TRPC4: variants seen among roughly 807,000 people sequenced by gnomAD.
TRPC4 encodes the protein short transient receptor potential channel 4.
A neutral mutation model predicts 99.4 loss-of-function variants in TRPC4; 49 were observed. The observed-to-expected ratio is 0.49, with a 90% CI of 0.39 to 0.63. The LOEUF (loss-of-function observed/expected upper bound fraction) is 0.63. Ranked by LOEUF, TRPC4 falls within the 20% of genes least tolerant of loss-of-function variation. The probability of loss-of-function intolerance (pLI) is 0.00; values close to 1 mark genes in which losing one functional copy is unlikely to be tolerated. For synonymous variants in TRPC4, 454 were observed against 425.9 expected (o/e 1.07, Z -0.81); for missense variants, 898 against 1,152.9 (o/e 0.78, Z 3.20).
At chr13:37,775,922 C>T (rs1022741656) in intron 2 of TRPC4, among the ~76,000 whole-genome samples, 15 of 151,536 alleles carry the variant, frequency 9.9e-5, no homozygotes, top group African/African-American at 3.1e-4. Context: ...TGTTTCAAAG[C>T]GATTATTTAC....
At chr13:37,653,611 G>A (rs7997809) in intron 7 of TRPC4, among the ~76,000 whole-genome samples, 58,813 of 151,878 alleles carry the variant, frequency 0.39, 12,148 homozygotes, top group East Asian at 0.73. Flanking sequence ...GTTCTCCATA[G>A]TCTTAGGGTT....
At chr13:37,699,245 A>G (rs1954021616) in intron 3 of TRPC4, among the ~76,000 whole-genome samples, 1 of 152,214 alleles carries the variant, frequency 6.6e-6, no homozygotes, top group African/African-American at 2.4e-5. Flanking sequence ...TGTTCAATAA[A>G]TATTAGGTAT....
At chr13:37,786,067 T>C (rs966015576) in intron 1 of TRPC4, among the ~76,000 whole-genome samples, 1 of 152,026 alleles carries the variant, frequency 6.6e-6, no homozygotes, top group Non-Finnish European at 1.5e-5. Context: ...AATCAACACT[T>C]ACCAAGGAAT....
rs1366857829 is a variant in TRPC4, at chr13:37,663,491, T to G, written c.1613A>C (p.Tyr538Ser). 1 of 1,614,194 alleles carries G rather than the reference T, an allele frequency of 6.2e-7. No individual in the cohort carries two copies. Among genetic ancestry groups the G allele is most frequent in the Non-Finnish European group, 8.5e-7 (1 of 1,180,024 alleles). The change falls in exon 6 of 11, where the codon TAC becomes TCC. Residue 538 changes from tyrosine to serine, a missense_variant. Physicochemically the swap from Tyr to Ser is moderately radical, Grantham distance 144. This residue lies in a region of TRPC4 where 274 missense variants were observed against 454.9 expected (regional missense o/e 0.60). Coordinates refer to ENST00000379705, the MANE Select transcript of TRPC4 (RefSeq NM_016179.4). ...CCCTTTCGTTTCTTCATAATAGAAG[T>G]ACAATTGATTTAGGCCATTTGCAAA... is the stretch of plus-strand genomic sequence containing the variant. ...LAFANGLNQL[Y>S]FYYEETKGLT...
At chr13:37,826,275 T>C (rs1958204722) in intron 1 of TRPC4, among the ~76,000 whole-genome samples, 1 of 88,610 alleles carries the variant, frequency 1.1e-5, no homozygotes, top group African/African-American at 4.7e-5. Flanking sequence ...CCATTTACAT[T>C]TAAAGTTAAT....
intron 4 of TRPC4, among the ~76,000 whole-genome samples, chr13:37,687,472 A>G (rs1392864484): frequency 6.6e-6 from 1 of 152,198 alleles, no homozygotes; most frequent in East Asian, 1.9e-4. Context: ...CCTGACAACC[A>G]GCATTCAAAA....
chr13:37,674,093 A>T lies in TRPC4; in HGVS notation c.1374+135T>A, dbSNP rs1000218022. 3.8e-6 allele frequency: 3 copies of T among 796,640 alleles called. No individual in the cohort carries two copies. The African/African-American group carries it at 5.4e-5, about 14-fold the overall frequency. The allele number at this position is 796,640 out of a possible 1,614,324, so 49.3% of individuals were successfully genotyped here. A position where few individuals can be genotyped will look rare whatever the true frequency, so the allele number is the denominator to read the frequency against. The stretch of plus-strand genomic sequence containing the variant: ...GTATTTTTATCCCTATATATCTATC[A>T]ATAAAACCATGAGCTGATGAATACG... On this transcript the variant is annotated intron_variant, in intron 5 of 10. Transcript: ENST00000379705.
intron 1 of TRPC4, among the ~76,000 whole-genome samples, chr13:37,792,448 T>C (rs1957144699): frequency 1.3e-5 from 2 of 152,136 alleles, no homozygotes; most frequent in South Asian, 2.1e-4. Flanking sequence ...ATAAATGTTA[T>C]TACTACATCA....
intron 1 of TRPC4, among the ~76,000 whole-genome samples, chr13:37,792,975 G>C (rs541125917): frequency 6.6e-6 from 1 of 151,968 alleles, no homozygotes; most frequent in Non-Finnish European, 1.5e-5. Flanking sequence ...GTCTGTGTGA[G>C]GGAAAAAGCC....
chr13:37,786,909 TGAG>T (rs1462011857), intron 1 of TRPC4, among the ~76,000 whole-genome samples: 1 of 152,010 alleles, frequency 6.6e-6, no homozygotes, highest in African/African-American at 2.4e-5. Context: ...CTAAATGTGT[TGAG>T]GATTAAAAAG....
intron 1 of TRPC4, among the ~76,000 whole-genome samples, chr13:37,791,818 G>T (rs1261768830): frequency 1.3e-5 from 2 of 152,098 alleles, no homozygotes; most frequent in African/African-American, 4.8e-5. Context: ...ATGTGAAAAG[G>T]TGCAGAAAAA....
chr13:37,661,211 T>C (rs890492241), intron 6 of TRPC4, among the ~76,000 whole-genome samples: 1 of 152,230 alleles, frequency 6.6e-6, no homozygotes, highest in Non-Finnish European at 1.5e-5. Context: ...AATAATCCAG[T>C]ATATTTGATT....
At chr13:37,732,316 C>G (rs190384544) in intron 3 of TRPC4, among the ~76,000 whole-genome samples, 1 of 152,112 alleles carries the variant, frequency 6.6e-6, no homozygotes, top group African/African-American at 2.4e-5. Flanking sequence ...AGAGTAGGAT[C>G]TAGTCAGAGG....
At chr13:37,864,932 G>A (rs1317247980) in intron 1 of TRPC4, among the ~76,000 whole-genome samples, 2 of 151,778 alleles carry the variant, frequency 1.3e-5, no homozygotes, top group Admixed American at 6.6e-5. Context: ...GCTTACGCAT[G>A]TGCCATTCAT....
intron 1 of TRPC4, among the ~76,000 whole-genome samples, chr13:37,817,707 G>C (rs574711327): frequency 2.7e-4 from 41 of 151,646 alleles, no homozygotes; most frequent in African/African-American, 9.7e-4. Context: ...CAATGGAACA[G>C]AATAAAGAAC....
intron 1 of TRPC4, among the ~76,000 whole-genome samples, chr13:37,833,576 C>G (rs1958481407): frequency 6.6e-6 from 1 of 152,200 alleles, no homozygotes; most frequent in Admixed American, 6.5e-5. Context: ...TGGTTCTTTA[C>G]TTAGCCTTGC....
intron 4 of TRPC4, 23 bp downstream of exon 4, chr13:37,691,976 A>G: frequency 3.2e-6 from 5 of 1,579,476 alleles, no homozygotes; most frequent in Non-Finnish European, 4.3e-6. Flanking sequence ...TTTTTATTAT[A>G]TTTTCTATAG....
chr13:37,822,770 C>T lies in TRPC4; in HGVS notation c.-27-39410G>A, dbSNP rs1006946911. On this transcript the variant is annotated intron_variant, in intron 1 of 10. Coordinates refer to ENST00000379705, the MANE Select transcript of TRPC4 (RefSeq NM_016179.4). ...CTTTATAGCAGCATGATTTATAGTA[C>T]TTTGGGTATATACCCAGTAATGGGA... 3.3e-5 allele frequency among the ~76,000 whole-genome samples: 5 copies of T among 152,074 alleles called. No individual in the cohort carries two copies. The East Asian group carries it at 9.7e-4, about 29-fold the overall frequency.
chr13:37,676,038 C>G (rs997819653), intron 4 of TRPC4, among the ~76,000 whole-genome samples: 2 of 152,150 alleles, frequency 1.3e-5, no homozygotes, highest in Non-Finnish European at 2.9e-5. Flanking sequence ...AAACCCAACT[C>G]AGCTCCTGAC....
Sources: allele counts gnomAD v4.1 joint callset (sites outside exome capture counted in the v4.1 genomes callset), GRCh38; gene constraint gnomAD v4.1.1; regional missense constraint gnomAD v4.1.1; transcripts MANE v1.5; gene names NCBI Gene and HGNC (gene_info 2026-07-23, HGNC 2026-07-21).